Variants in CFAP54 observed in about 807,000 individuals in gnomAD.
CFAP54 encodes cilia and flagella associated protein 54.
Under a neutral mutation model 370.4 loss-of-function variants are expected in CFAP54, and 290 were observed. That is an observed-to-expected ratio of 0.78 (90% CI 0.71 to 0.86). The LOEUF (loss-of-function observed/expected upper bound fraction) is 0.86, where lower values mean the gene tolerates loss of function less well. Among genes scored for constraint, CFAP54 ranks in the 40% least tolerant of loss-of-function variants. CFAP54 has a pLI of 0.00. For synonymous variants in CFAP54, 1,206 were observed against 1,236.5 expected, an observed-to-expected ratio of 0.98 and a Z score of 0.52; for missense variants, 3,399 against 3,528.7, an observed-to-expected ratio of 0.96 and a Z score of 0.93.
chr12:96,787,108 T>C (rs1327782779), intron 62 of CFAP54, among the ~76,000 whole-genome samples: 9 of 152,220 alleles, frequency 5.9e-5, no homozygotes, highest in Non-Finnish European at 4.4e-5. Flanking sequence ...TTCAGTCTTG[T>C]TCTCATAAGT....
At position 96,636,542 on chromosome 12, in the gene CFAP54, G is replaced by C. The variant is rs115355904; in HGVS notation, c.4316+5891G>C. The stretch of plus-strand genomic sequence containing the variant: ...TTGTCATTTGTTTTGCCAGAGGTTT[G>C]TCTATTTTTTAGTCTTTGCAAAGAA... On this transcript the variant is annotated intron_variant, in intron 32 of 67. Coordinates refer to ENST00000524981, the MANE Select transcript of CFAP54 (RefSeq NM_001306084.2). Among the ~76,000 whole-genome samples, 718 of 152,240 alleles carry C rather than the reference G, an allele frequency of 4.7e-3. 4 individuals are homozygous for C. The highest frequency in any genetic ancestry group is 0.016 in the African/African-American group (681 of 41,544).
chr12:96,733,442 C>A (rs1405005634), intron 50 of CFAP54, among the ~76,000 whole-genome samples: 1 of 151,908 alleles, frequency 6.6e-6, no homozygotes, highest in African/African-American at 2.4e-5. Flanking sequence ...AACAAACTGA[C>A]CATTTTTGTC....
At chr12:96,683,272 T>C (rs1957291170) in intron 40 of CFAP54, among the ~76,000 whole-genome samples, 1 of 152,214 alleles carries the variant, frequency 6.6e-6, no homozygotes, top group African/African-American at 2.4e-5. Flanking sequence ...ATCCTGGATA[T>C]GGAATCACCA....
At chr12:96,720,973 T>C (rs1214115377) in intron 50 of CFAP54, among the ~76,000 whole-genome samples, 1 of 151,938 alleles carries the variant, frequency 6.6e-6, no homozygotes, top group East Asian at 1.9e-4. Flanking sequence ...TGAGCTGAGA[T>C]TGCCCCTCTG....
chr12:96,749,492 C>T (rs1479677309), intron 55 of CFAP54, among the ~76,000 whole-genome samples: 1 of 152,176 alleles, frequency 6.6e-6, no homozygotes, highest in Non-Finnish European at 1.5e-5. Flanking sequence ...TGTTAAATGC[C>T]TAGACCAGTG....
chr12:96,598,734 C>T lies in CFAP54; in HGVS notation c.3606C>T (p.His1202=), dbSNP rs772845837. 3 of 658,042 alleles carry T rather than the reference C, an allele frequency of 4.6e-6. No homozygotes were observed. In the Admixed American group the frequency reaches 6.5e-5, roughly 14 times the overall value. 40.8% of individuals were successfully genotyped at this position (658,042 alleles called of 1,614,324 possible). A position where few individuals can be genotyped will look rare whatever the true frequency, so the allele number is the denominator to read the frequency against. The change falls in exon 26 of 68, where the codon CAC becomes CAT. Residue 1202 remains histidine, a synonymous_variant. Coordinates refer to ENST00000524981, the MANE Select transcript of CFAP54 (RefSeq NM_001306084.2). ...KHTASFESIQ[H]MIACCIFYIT... ...CTGCGAGCTTTGAAAGTATACAACA[C>T]ATGATAGCTTGTTGTATTTTCTACA...
chr12:96,787,591 TTAAAAA>T (rs1958641486), intron 62 of CFAP54, among the ~76,000 whole-genome samples: 1 of 152,238 alleles, frequency 6.6e-6, no homozygotes. Context: ...AGGATTTTAC[TTAAAAA>T]TAAGAATATG....
chr12:96,743,678 GT>G, intron 53 of CFAP54, 52 bp from the exon 54 acceptor site: 1 of 1,557,400 alleles, frequency 6.4e-7, no homozygotes, highest in Admixed American at 1.8e-5. Context: ...TCCAGCTCTT[GT>G]TTCAGTGAAT....
At chr12:96,683,268 G>T (rs892077380) in intron 40 of CFAP54, among the ~76,000 whole-genome samples, 10 of 152,178 alleles carry the variant, frequency 6.6e-5, no homozygotes, top group Non-Finnish European at 1.3e-4. Flanking sequence ...TTATATCCTG[G>T]ATATGGAATC....
At chr12:96,756,274 C>A (rs1024850) in intron 56 of CFAP54, among the ~76,000 whole-genome samples, 184 bp from the exon 57 acceptor site, 54,968 of 151,844 alleles carry the variant, frequency 0.36, 10,822 homozygotes, top group East Asian at 0.58. Flanking sequence ...GCAGGGGAAG[C>A]CTGAGGGTTC....
intron 26 of CFAP54, among the ~76,000 whole-genome samples, chr12:96,605,136 A>G (rs815887): frequency 0.79 from 120,768 of 152,162 alleles, 48,103 homozygotes; most frequent in East Asian, 0.86. Flanking sequence ...ATATTTTATA[A>G]GCATTATATA....
intron 23 of CFAP54, among the ~76,000 whole-genome samples, chr12:96,589,859 G>T (rs1956108714): frequency 6.6e-6 from 1 of 152,050 alleles, no homozygotes. Flanking sequence ...TGATTCTCAT[G>T]CCTCAGCCTC....
chr12:96,791,693 G>GA (rs1271200943), intron 62 of CFAP54, among the ~76,000 whole-genome samples: 1 of 151,994 alleles, frequency 6.6e-6, no homozygotes, highest in Non-Finnish European at 1.5e-5. Context: ...ATTCACCAGT[G>GA]AAAAAAACAG....
rs368889120 is a variant in CFAP54 at position 96,753,700 on chromosome 12, G to T, written c.7685-43G>T. On this transcript the variant is annotated intron_variant, in intron 55 of 67. Coordinates refer to ENST00000524981, the MANE Select transcript of CFAP54 (RefSeq NM_001306084.2). ...AACTTGGAGGCTTGTTATAAACACC[G>T]TGTATTTTTTTGTTCTTCCCCACCG... The T allele has an allele frequency of 6.3e-4, 998 of 1,585,102 alleles. 1 individual carries two copies. Among genetic ancestry groups the T allele is most frequent in the Non-Finnish European group, 7.9e-4 (916 of 1,157,664 alleles).
intron 22 of CFAP54, among the ~76,000 whole-genome samples, chr12:96,588,838 G>C (rs1489954935): frequency 6.6e-6 from 1 of 152,014 alleles, no homozygotes; most frequent in Non-Finnish European, 1.5e-5. Context: ...GAACTTCTAG[G>C]CTTCACCAGT....
chr12:96,574,582 A>T (rs1039869277), intron 19 of CFAP54, among the ~76,000 whole-genome samples: 1 of 127,918 alleles, frequency 7.8e-6, no homozygotes, highest in African/African-American at 2.5e-5. Context: ...AATGAATGTT[A>T]AAAAATGTTT....
At chr12:96,671,005 A>C (rs572265103) in intron 39 of CFAP54, among the ~76,000 whole-genome samples, 1 of 152,010 alleles carries the variant, frequency 6.6e-6, no homozygotes, top group Non-Finnish European at 1.5e-5. Flanking sequence ...ATTTAGATGA[A>C]GTCTTGCTCC....
chr12:96,512,949 A>G, intron 4 of CFAP54, 37 bp from the exon 5 acceptor site: 1 of 1,343,726 alleles, frequency 7.4e-7, no homozygotes, highest in Non-Finnish European at 1.0e-6. Flanking sequence ...CTATCATTTG[A>G]CTGTAAAACA....
chr12:96,839,547 C>G (rs1565998718), intron 66 of CFAP54, among the ~76,000 whole-genome samples: 2 of 152,252 alleles, frequency 1.3e-5, no homozygotes, highest in Non-Finnish European at 2.9e-5. Flanking sequence ...CCATTCCCAT[C>G]TGTCCCTGTT....
Sources: allele counts gnomAD v4.1 joint callset (sites outside exome capture counted in the v4.1 genomes callset), GRCh38; gene constraint gnomAD v4.1.1; transcripts MANE v1.5; gene names NCBI Gene and HGNC (gene_info 2026-07-23, HGNC 2026-07-21).